The following RELN variants were observed in gnomAD, a reference collection of about 807,000 sequenced individuals.
The protein encoded by RELN is reelin.
Under a neutral mutation model 427.6 loss-of-function variants are expected in RELN, and 108 were observed. The ratio of observed to expected loss-of-function variants is 0.25; its 90% CI spans 0.22 to 0.30. RELN has a LOEUF of 0.30. Among genes scored for constraint, RELN ranks in the 10% least tolerant of loss-of-function variants. The pLI, the probability that RELN is intolerant of heterozygous loss-of-function variation, is 1.00. For missense variants in RELN, 3,715 were observed against 4,302.8 expected (o/e 0.86, Z 3.82); for synonymous variants, 1,524 against 1,513.4 (o/e 1.01, Z -0.16).
chr7:103,803,810 G>T (rs1478629812), intron 3 of RELN, among the ~76,000 whole-genome samples: 1 of 151,974 alleles, frequency 6.6e-6, no homozygotes, highest in Non-Finnish European at 1.5e-5. Flanking sequence ...GCTCTTAGGA[G>T]TCTGTCATTT....
At chr7:103,820,998 T>C (rs917088359) in intron 3 of RELN, among the ~76,000 whole-genome samples, 4 of 152,174 alleles carry the variant, frequency 2.6e-5, no homozygotes, top group Admixed American at 2.6e-4. Context: ...AAAAAAGTCA[T>C]ATCAAGAGTA....
chr7:103,549,061 C>T (rs183972458), intron 41 of RELN, among the ~76,000 whole-genome samples: 6 of 151,962 alleles, frequency 3.9e-5, no homozygotes. Flanking sequence ...ATTAGAGGTC[C>T]ATTAAACAGA....
At chr7:103,864,161 G>C (rs1246639563) in intron 2 of RELN, among the ~76,000 whole-genome samples, 1 of 152,162 alleles carries the variant, frequency 6.6e-6, no homozygotes, top group African/African-American at 2.4e-5. Context: ...AACCGTAATT[G>C]AAATCTCATA....
At chr7:103,609,924 T>C (rs892080193) in intron 22 of RELN, among the ~76,000 whole-genome samples, 1 of 152,130 alleles carries the variant, frequency 6.6e-6, no homozygotes, top group Non-Finnish European at 1.5e-5. Context: ...AATTAAACCT[T>C]TTCATTATAC....
rs117185813 is a variant in RELN at position 103,595,630 on chromosome 7, C to A, written c.3539+826G>T. On this transcript the variant is annotated intron_variant, in intron 25 of 64. Coordinates refer to ENST00000428762, the MANE Select transcript of RELN (RefSeq NM_005045.4). ...AATAATTTTTTTTCAATAAACAAGTCTCATTTGTAAAATGAAAACAGGGAC... is the reference window on the plus strand; with the variant it reads ...AATAATTTTTTTTCAATAAACAAGTATCATTTGTAAAATGAAAACAGGGAC... Among the ~76,000 whole-genome samples, 830 of 151,836 alleles carry A rather than the reference C, an allele frequency of 5.5e-3. 9 individuals are homozygous for A. Among genetic ancestry groups the A allele is most frequent in the Non-Finnish European group, 7.7e-3 (522 of 67,920 alleles).
Position 103,508,676 on chromosome 7 carries a change from A to AT in RELN, c.8274+2174dup. Among the ~76,000 whole-genome samples the AT allele has an allele frequency of 2.0e-5, 3 of 152,374 alleles. No individual in the cohort carries two copies. The East Asian group carries it at 5.8e-4, about 29-fold the overall frequency. On this transcript the variant is annotated intron_variant, in intron 51 of 64. Coordinates refer to ENST00000428762, the MANE Select transcript of RELN (RefSeq NM_005045.4). The stretch of plus-strand genomic sequence containing the variant: ...CAGGGCAATCAGGCAAGAGAAAGAA[A>AT]TAAAGGGTATTCAGTTAGGAAAAGA...
At chr7:103,608,172 C>G (rs953070859) in intron 22 of RELN, among the ~76,000 whole-genome samples, 1 of 152,110 alleles carries the variant, frequency 6.6e-6, no homozygotes, top group African/African-American at 2.4e-5. Context: ...TTGAGAAAAA[C>G]CTGCTATTTG....
At position 103,745,755 on chromosome 7, in the gene RELN, G is replaced by T. The variant is rs528484085; in HGVS notation, c.656+3671C>A. 2.1e-3 allele frequency among the ~76,000 whole-genome samples: 321 copies of T among 150,606 alleles called. 2 individuals are homozygous for T. The highest frequency in any genetic ancestry group is 7.5e-3 in the African/African-American group (305 of 40,460). On this transcript the variant is annotated intron_variant, in intron 6 of 64. Transcript: ENST00000428762. Reference sequence around the variant, plus strand: ...AGGAGAACTACAAACCACTGCTCAAGGAAATAAAAGAGGATACAAACAAAT... The same window carrying T: ...AGGAGAACTACAAACCACTGCTCAATGAAATAAAAGAGGATACAAACAAAT...
intron 8 of RELN, among the ~76,000 whole-genome samples, chr7:103,703,635 T>C (rs977505711): frequency 2.0e-5 from 3 of 152,174 alleles, no homozygotes; most frequent in African/African-American, 4.8e-5. Flanking sequence ...AAAGTTGAAA[T>C]TTAAAACCAG....
intron 1 of RELN, among the ~76,000 whole-genome samples, chr7:103,936,708 C>A (rs1795992543): frequency 8.6e-6 from 1 of 116,538 alleles, no homozygotes; most frequent in Non-Finnish European, 1.9e-5. Context: ...TGGGAAATTC[C>A]TACGCACACA....
chr7:103,887,383 C>G (rs897191299), intron 2 of RELN, among the ~76,000 whole-genome samples: 1 of 152,042 alleles, frequency 6.6e-6, no homozygotes, highest in Non-Finnish European at 1.5e-5. Flanking sequence ...GGTGTCTGCT[C>G]CTGGTACAAC....
At chr7:103,709,847 T>C (rs546989261) in intron 8 of RELN, among the ~76,000 whole-genome samples, 84 of 152,210 alleles carry the variant, frequency 5.5e-4, no homozygotes, top group Admixed American at 2.9e-3. Context: ...TTATTGAGAA[T>C]CAGAACAGTA....
intron 2 of RELN, among the ~76,000 whole-genome samples, chr7:103,903,030 C>T (rs1584349932): frequency 6.6e-6 from 1 of 152,132 alleles, no homozygotes; most frequent in East Asian, 1.9e-4. Context: ...TGAGTGTGAA[C>T]ATGGAACTCA....
At chr7:103,513,976 A>C (rs1829492977) in intron 50 of RELN, 1 of 152,210 alleles carries the variant, frequency 6.6e-6, no homozygotes, top group Admixed American at 6.5e-5. Flanking sequence ...TTACAAGAAA[A>C]TATGAACTAA....
intron 3 of RELN, among the ~76,000 whole-genome samples, chr7:103,788,368 G>A (rs1792072805): frequency 6.6e-6 from 1 of 152,122 alleles, no homozygotes; most frequent in Admixed American, 6.6e-5. Flanking sequence ...GAAATAAAGG[G>A]TATTCAATTA....
chr7:103,648,206 G>C (rs1334603146), intron 16 of RELN, among the ~76,000 whole-genome samples: 1 of 151,990 alleles, frequency 6.6e-6, no homozygotes, highest in African/African-American at 2.4e-5. Context: ...CTGGATCATG[G>C]GGGTGGATTT....
At chr7:103,777,803 G>C (rs1478575977) in intron 3 of RELN, among the ~76,000 whole-genome samples, 1 of 151,626 alleles carries the variant, frequency 6.6e-6, no homozygotes, top group Non-Finnish European at 1.5e-5. Flanking sequence ...AAGGTAATCT[G>C]ATAAATTAAT....
intron 2 of RELN, among the ~76,000 whole-genome samples, chr7:103,835,093 A>C (rs970314817): frequency 1.3e-5 from 2 of 152,218 alleles, no homozygotes; most frequent in African/African-American, 4.8e-5. Context: ...ACATCTAGAC[A>C]ATGGAATGTT....
chr7:103,778,216 A>G (rs1427531132), intron 3 of RELN, among the ~76,000 whole-genome samples: 1 of 152,190 alleles, frequency 6.6e-6, no homozygotes, highest in East Asian at 1.9e-4. Context: ...AGATTTTATG[A>G]CCAGAGGGAA....
Sources: allele counts gnomAD v4.1 joint callset (sites outside exome capture counted in the v4.1 genomes callset), GRCh38; gene constraint gnomAD v4.1.1; transcripts MANE v1.5; gene names NCBI Gene and HGNC (gene_info 2026-07-23, HGNC 2026-07-21).